The following SRRT variants were observed in gnomAD, a reference collection of about 807,000 sequenced individuals.
The protein encoded by SRRT is serrate RNA effector molecule homolog.
In SRRT, 32 loss-of-function variants were observed where a neutral mutation model predicts 103.2. That is an observed-to-expected ratio of 0.31 (90% CI 0.23 to 0.42). The LOEUF (loss-of-function observed/expected upper bound fraction) is 0.42. Ranked by LOEUF, SRRT falls within the 10% of genes least tolerant of loss-of-function variation. The probability of loss-of-function intolerance (pLI) is 1.00; values close to 1 mark genes in which losing one functional copy is unlikely to be tolerated. For synonymous variants in SRRT, 525 were observed against 449.0 expected (o/e 1.17, Z -2.14); for missense variants, 986 against 1,207.5 (o/e 0.82, Z 2.72).
chr7:100,888,233 A>C (rs775852785), intron 18 of SRRT, 24 bp from the exon 19 acceptor site: 2 of 1,603,986 alleles, frequency 1.2e-6, no homozygotes, highest in Non-Finnish European at 1.7e-6. Flanking sequence ...TAGTTTTGCA[A>C]CTCAACACTG....
At chr7:100,888,184 G>A in intron 18 of SRRT, 41 bp downstream of exon 18, 1 of 1,600,322 alleles carries the variant, frequency 6.2e-7, no homozygotes. Flanking sequence ...GTGAGTGTGT[G>A]GCTTTGGGAG....
intron 2 of SRRT, among the ~76,000 whole-genome samples, chr7:100,877,854 C>T (rs189253920): frequency 1.3e-5 from 2 of 152,176 alleles, no homozygotes; most frequent in African/African-American, 4.8e-5. Flanking sequence ...GCTGAACTAA[C>T]AGCTTTTTTC....
intron 2 of SRRT, among the ~76,000 whole-genome samples, chr7:100,879,809 C>T (rs1215473099): frequency 8.5e-6 from 1 of 117,718 alleles, no homozygotes; most frequent in African/African-American, 2.9e-5. Flanking sequence ...GAGACTGTCT[C>T]CAAAAAAAAA....
chr7:100,875,302 G>C lies in SRRT; in HGVS notation c.-45G>C, dbSNP rs1001618762. ...CCTGAAATCTAGCCCGTCCGAGCGC[G>C]AGTCCAACGGCCGCGGCCGCACCAA... On this transcript the variant is annotated 5_prime_UTR_variant, in exon 1 of 20. Coordinates refer to ENST00000611405, the MANE Select transcript of SRRT (RefSeq NM_015908.6). 6.7e-6 allele frequency: 7 copies of C among 1,045,908 alleles called. No homozygotes were observed. Among genetic ancestry groups the C allele is most frequent in the African/African-American group, 1.7e-5 (1 of 59,966 alleles). The allele number at this position is 1,045,908 out of a possible 1,614,324, so 64.8% of individuals were successfully genotyped here. A position where few individuals can be genotyped will look rare whatever the true frequency, so the allele number is the denominator to read the frequency against.
chr7:100,875,693 G>C lies in SRRT; in HGVS notation c.103G>C (p.Gly35Arg), dbSNP rs1815612720. 6.2e-7 allele frequency: 1 copy of C among 1,614,048 alleles called. No homozygotes were observed. The highest frequency in any genetic ancestry group is 8.5e-7 in the Non-Finnish European group (1 of 1,179,932). ...RSRERDERRR[G>R]DDWNDREWDR... The stretch of plus-strand genomic sequence containing the variant: ...CCGCGAGAGAGATGAAAGACGTCGA[G>C]GGGACGATTGGAATGACAGGTGAGC... The change falls in exon 2 of 20, where the codon GGG becomes CGG. Residue 35 changes from glycine to arginine, a missense_variant. By Grantham distance (125) the Gly-to-Arg change is moderately radical. Transcript: ENST00000611405.
At position 100,887,406 on chromosome 7, in the gene SRRT, A is replaced by C. The variant is rs1790239296; in HGVS notation, c.2062A>C (p.Met688Leu). The C allele has an allele frequency of 3.7e-6, 6 of 1,614,092 alleles. No homozygotes were observed. The highest frequency in any genetic ancestry group is 5.1e-6 in the Non-Finnish European group (6 of 1,180,038). The change falls in exon 16 of 20, where the codon ATG becomes CTG. Residue 688 changes from methionine (M) to leucine (L), a missense_variant. Around this residue, in one of 6 missense-constraint regions of SRRT, gnomAD observed 349 missense variants for 446.9 expected, o/e 0.78. Coordinates refer to ENST00000611405, the MANE Select transcript of SRRT (RefSeq NM_015908.6). This position sits in a 1 kb window ranked among gnomAD's most constrained non-coding sequence, Gnocchi z 4.1. ...ESLSEEEAQK[M>L]GRKDPEQEVE... ...ACTCTCAGAGGAAGAGGCCCAGAAG[A>C]TGGGGCGCAAAGACCCAGAGCAGGA...
chr7:100,878,373 C>T (rs1457984135), intron 2 of SRRT, among the ~76,000 whole-genome samples: 1 of 151,944 alleles, frequency 6.6e-6, no homozygotes, highest in Admixed American at 6.6e-5. Flanking sequence ...GACAGCTTCC[C>T]ATTAAGTAAA....
Position 100,885,217 on chromosome 7 carries a change from A to C in SRRT, c.1164A>C (p.Glu388Asp). ...QAEEEKEEAE[E>D]ALKEKEKPKE... Reference sequence around the variant, plus strand: ...CCTACCCCCCTTCCTGCCTAGAAGAAGCGCTCAAGGAGAAGGAGAAGCCCA... The same window carrying C: ...CCTACCCCCCTTCCTGCCTAGAAGACGCGCTCAAGGAGAAGGAGAAGCCCA... The change falls in exon 10 of 20, where the codon GAA (glutamate) becomes GAC (aspartate). Residue 388 changes from glutamate (E) to aspartate (D), a missense_variant. Glu to Asp is a conservative substitution (Grantham distance 45). This residue lies in a region of SRRT where 166 missense variants were observed against 148.6 expected (regional missense o/e 1.12). Coordinates refer to ENST00000611405, the MANE Select transcript of SRRT (RefSeq NM_015908.6). The surrounding 1 kb of genome is among the most constrained non-coding windows in gnomAD (Gnocchi z 4.8). 6.2e-7 allele frequency: 1 copy of C among 1,613,434 alleles called. No individual in the cohort carries two copies. The highest frequency in any genetic ancestry group is 8.5e-7 in the Non-Finnish European group (1 of 1,179,656).
chr7:100,887,454 AAC>A lies in SRRT; in HGVS notation c.2113_2114del (p.Thr705AlafsTer7). On this transcript the variant is annotated frameshift_variant, in exon 16 of 20. Coordinates refer to ENST00000611405, the MANE Select transcript of SRRT (RefSeq NM_015908.6). LOFTEE classifies it high-confidence loss of function. This position sits in a 1 kb window ranked among gnomAD's most constrained non-coding sequence, Gnocchi z 4.1. ...GGAAGTGGAGAAGTTCGTCACCTCC[AAC>A]ACGCAGGAACTGGGCAAGGATAAGT... ...EQEVEKFVTSNTQELGKDKWL... is the reference protein window; with the variant it reads ...EQEVEKFVTSXTQELGKDKWL... The A allele has an allele frequency of 6.2e-7, 1 of 1,614,190 alleles. No individual in the cohort carries two copies. The highest frequency in any genetic ancestry group is 8.5e-7 in the Non-Finnish European group (1 of 1,180,034).
Position 100,881,784 on chromosome 7 carries a change from A to G in SRRT, c.377A>G (p.His126Arg), listed in dbSNP as rs1356252432. The G allele has an allele frequency of 3.7e-6, 6 of 1,611,798 alleles. No homozygotes were observed. The highest frequency in any genetic ancestry group is 5.1e-6 in the Non-Finnish European group (6 of 1,179,308). Residue 126 changes from histidine to arginine, a missense_variant, in exon 4 of 20, where the codon CAT becomes CGT. Around this residue, in one of 6 missense-constraint regions of SRRT, gnomAD observed 274 missense variants for 358.5 expected, o/e 0.76. Coordinates refer to ENST00000611405, the MANE Select transcript of SRRT (RefSeq NM_015908.6). ...GHPDVHIMQH[H>R]VLPIQARLGS... Reference sequence around the variant, plus strand: ...CCTGACGTCCACATCATGCAGCACCATGTCCTGCCTATCCAGGCCAGGTAA... The same window carrying G: ...CCTGACGTCCACATCATGCAGCACCGTGTCCTGCCTATCCAGGCCAGGTAA...
rs755412182 is a variant in SRRT at position 100,885,275 on chromosome 7, G to A, written c.1222G>A (p.Ala408Thr). 3.1e-6 allele frequency: 5 copies of A among 1,614,012 alleles called. No individual in the cohort carries two copies. The highest frequency in any genetic ancestry group is 2.5e-6 in the Non-Finnish European group (3 of 1,180,042). Residue 408 changes from alanine (A) to threonine (T), a missense_variant, in exon 10 of 20, where the codon GCG (alanine) becomes ACG (threonine). Physicochemically the swap from Ala to Thr is moderately conservative, Grantham distance 58. This residue lies in a region of SRRT where 349 missense variants were observed against 446.9 expected (regional missense o/e 0.78). Transcript: ENST00000611405. The surrounding 1 kb of genome is among the most constrained non-coding windows in gnomAD (Gnocchi z 4.8). ...AGAATGGGAGAAGCCCAAGGACGCCGCGGGGCTGGAGTGCAAGCCGCGGCC... is the reference window on the plus strand; with the variant it reads ...AGAATGGGAGAAGCCCAAGGACGCCACGGGGCTGGAGTGCAAGCCGCGGCC... ...EEEWEKPKDA[A>T]GLECKPRPLH...
intron 2 of SRRT, among the ~76,000 whole-genome samples, chr7:100,881,018 AG>A (rs1305193112): frequency 6.6e-6 from 1 of 151,984 alleles, no homozygotes; most frequent in Non-Finnish European, 1.5e-5. Context: ...TAGGCTTTTT[AG>A]TCTGGTATCT....
chr7:100,885,380 G>T lies in SRRT; in HGVS notation c.1317+10G>T. The T allele has an allele frequency of 6.2e-7, 1 of 1,611,266 alleles. No individual in the cohort carries two copies. Among genetic ancestry groups the T allele is most frequent in the Non-Finnish European group, 8.5e-7 (1 of 1,177,950 alleles). ...GGCCGAGATCATCTCCGTGAGTGGG[G>T]ACCCGTGGAGTCAGGGCAGGGCTGA... On this transcript the variant is annotated intron_variant, in intron 10 of 19. Coordinates refer to ENST00000611405, the MANE Select transcript of SRRT (RefSeq NM_015908.6). The surrounding 1 kb of genome is among the most constrained non-coding windows in gnomAD (Gnocchi z 4.8).
Position 100,885,614 on chromosome 7 carries a change from C to T in SRRT, c.1318-87C>T. On this transcript the variant is annotated intron_variant, in intron 10 of 19. Coordinates refer to ENST00000611405, the MANE Select transcript of SRRT (RefSeq NM_015908.6). This position sits in a 1 kb window ranked among gnomAD's most constrained non-coding sequence, Gnocchi z 4.8. Reference sequence around the variant, plus strand: ...GGGAAGAGTGATAAGGCAGTTAGTCCCTAGGGTTCTGAGGGCAGTGGGGGA... The same window carrying T: ...GGGAAGAGTGATAAGGCAGTTAGTCTCTAGGGTTCTGAGGGCAGTGGGGGA... The T allele has an allele frequency of 7.1e-7, 1 of 1,406,936 alleles. No individual in the cohort carries two copies. The highest frequency in any genetic ancestry group is 9.8e-7 in the Non-Finnish European group (1 of 1,015,398). 87.2% of individuals were successfully genotyped at this position (1,406,936 alleles called of 1,614,324 possible).
intron 13 of SRRT, 35 bp from the exon 14 acceptor site, chr7:100,886,760 T>G (rs12705095): frequency 0.17 from 270,492 of 1,610,808 alleles, 24,407 homozygotes; most frequent in Middle Eastern, 0.2. Context: ...TCTGAAGGTC[T>G]TCTCTGCCTT....
chr7:100,885,699 A>C lies in SRRT; in HGVS notation c.1318-2A>C. The C allele has an allele frequency of 6.2e-7, 1 of 1,609,550 alleles. No individual in the cohort carries two copies. The highest frequency in any genetic ancestry group is 1.3e-5 in the African/African-American group (1 of 74,952). The stretch of plus-strand genomic sequence containing the variant: ...GTGGGGCTGCTTTTCTGCTTCTTGC[A>C]GCTTTGTAAAAGGTACCCAGGCTTT... On this transcript the variant is annotated splice_acceptor_variant, in intron 10 of 19. Transcript: ENST00000611405. LOFTEE classifies it high-confidence loss of function. This position sits in a 1 kb window ranked among gnomAD's most constrained non-coding sequence, Gnocchi z 4.8.
intron 2 of SRRT, 143 bp from the exon 3 acceptor site, chr7:100,881,141 GC>G: frequency 5.2e-6 from 4 of 769,808 alleles, no homozygotes; most frequent in Admixed American, 2.7e-5. Flanking sequence ...ATGGCGGGGG[GC>G]GGGGGGGGGT....
At position 100,886,881 on chromosome 7, in the gene SRRT, G is replaced by A. The variant is rs141861227; in HGVS notation, c.1734G>A (p.Gly578=). 157 of 1,614,040 alleles carry A rather than the reference G, an allele frequency of 9.7e-5. No homozygotes were observed. The highest frequency in any genetic ancestry group is 1.6e-4 in the Middle Eastern group (1 of 6,084). The part of the protein sequence containing the change: ...EVSAEEEELL[G]SSGGAPPEEP... ...GCGCCGAGGAGGAGGAGCTGCTGGG[G>A]AGCAGCGGGGGCGCTCCTCCTGAGG... The change falls in exon 14 of 20, where the codon GGG becomes GGA. Residue 578 remains glycine (G), a synonymous_variant. Transcript: ENST00000611405.
At position 100,881,645 on chromosome 7, in the gene SRRT, T is replaced by C; in HGVS notation, c.252-14T>C. ...CTCCCTTCTCTGCTTTACTTTTGTG[T>C]CCCCCACCTTCAGGGATGAGCACAG... On this transcript the variant is annotated splice_polypyrimidine_tract_variant and intron_variant, in intron 3 of 19. Coordinates refer to ENST00000611405, the MANE Select transcript of SRRT (RefSeq NM_015908.6). 6.2e-7 allele frequency: 1 copy of C among 1,613,552 alleles called. No individual in the cohort carries two copies. The highest frequency in any genetic ancestry group is 8.5e-7 in the Non-Finnish European group (1 of 1,179,936).
Sources: gnomAD v4.1 joint callset for allele counts (sites outside exome capture counted in the v4.1 genomes callset) on GRCh38, gnomAD v4.1.1 for gene constraint, gnomAD v4.1.1 regional missense constraint, Gnocchi (gnomAD v3.1) non-coding constraint, MANE v1.5 for transcripts, NCBI Gene and HGNC (gene_info 2026-07-23, HGNC 2026-07-21) for gene names.